FAM135A: variants seen among roughly 807,000 people sequenced by gnomAD.
The protein encoded by FAM135A is family with sequence similarity 135 member A, also known as protein FAM135A.
A neutral mutation model predicts 146.8 loss-of-function variants in FAM135A; 79 were observed. The ratio of observed to expected loss-of-function variants is 0.54; its 90% CI spans 0.45 to 0.65. The LOEUF (loss-of-function observed/expected upper bound fraction) is 0.65, where lower values mean the gene tolerates loss of function less well. FAM135A is among the 30% of genes least tolerant of loss of function. The pLI is 0.00. For synonymous variants in FAM135A, 562 were observed against 603.6 expected (o/e 0.93, Z 1.01); for missense variants, 1,623 against 1,758.2 (o/e 0.92, Z 1.38).
chr6:70,513,482 T>C (rs1791513270), intron 12 of FAM135A: 1 of 151,608 alleles, frequency 6.6e-6, no homozygotes, highest in South Asian at 2.1e-4. Context: ...CTTAACCATA[T>C]TGATTCGGAC....
chr6:70,525,896 T>G lies in FAM135A; in HGVS notation c.2812T>G (p.Cys938Gly). 1 of 1,613,152 alleles carries G rather than the reference T, an allele frequency of 6.2e-7. No individual in the cohort carries two copies. ...GACTTCCAGTGATGTGAAAAGTAGT[T>G]GCAGCTCCAAACCTAACTTGGATAC... Reference protein sequence around the residue: ...EETSSDVKSSCSSKPNLDTMC... With the variant: ...EETSSDVKSSGSSKPNLDTMC... The change falls in exon 15 of 22, where the codon TGC becomes GGC. Residue 938 changes from cysteine (C) to glycine (G), a missense_variant. Physicochemically the swap from Cys to Gly is radical, Grantham distance 159. Around this residue, in one of 7 missense-constraint regions of FAM135A, gnomAD observed 1,061 missense variants for 1,113.8 expected, o/e 0.95. Coordinates refer to ENST00000418814, the MANE Select transcript of FAM135A (RefSeq NM_001162529.3).
At chr6:70,537,180 C>T (rs528594163) in intron 19 of FAM135A, among the ~76,000 whole-genome samples, 10 of 152,006 alleles carry the variant, frequency 6.6e-5, no homozygotes, top group Admixed American at 2.0e-4. Flanking sequence ...GTGATCCGCC[C>T]GCCTCGGCCT....
chr6:70,525,336 A>T lies in FAM135A; in HGVS notation c.2252A>T (p.Asp751Val), dbSNP rs377373934. 2.5e-4 allele frequency: 407 copies of T among 1,613,058 alleles called. 3 individuals carry two copies. The South Asian group carries it at 3.6e-3, about 14-fold the overall frequency. ...TKEYHVVVSGDTIKLPDISAT... is the reference protein window; with the variant it reads ...TKEYHVVVSGVTIKLPDISAT... ...GAATATCATGTTGTAGTAAGTGGAG[A>T]TACAATTAAGTTACCAGATATTAGT... Residue 751 changes from aspartate to valine, a missense_variant, in exon 15 of 22, where the codon GAT becomes GTT. Physicochemically the swap from Asp to Val is radical, Grantham distance 152. Around this residue, in one of 7 missense-constraint regions of FAM135A, gnomAD observed 1,061 missense variants for 1,113.8 expected, o/e 0.95. Transcript: ENST00000418814.
intron 4 of FAM135A, among the ~76,000 whole-genome samples, chr6:70,444,133 G>A (rs769870907): frequency 3.3e-5 from 5 of 152,082 alleles, no homozygotes; most frequent in Non-Finnish European, 5.9e-5. Flanking sequence ...GGCTGGGTGC[G>A]GTGGCTCACG....
chr6:70,416,514 TTTAACA>T (rs1340854937), intron 2 of FAM135A, among the ~76,000 whole-genome samples: 1 of 152,234 alleles, frequency 6.6e-6, no homozygotes, highest in Non-Finnish European at 1.5e-5. Context: ...GAAAAAGTGC[TTTAACA>T]TTGAGTTTTT....
Position 70,560,577 on chromosome 6 carries a change from CTT to C in FAM135A, c.*659_*660del, listed in dbSNP as rs1018370328. 2 of 152,470 alleles carry C rather than the reference CTT, an allele frequency of 1.3e-5. No individual in the cohort carries two copies. Among genetic ancestry groups the C allele is most frequent in the East Asian group, 1.9e-4 (1 of 5,198 alleles). The allele number at this position is 152,470 out of a possible 1,614,324, so 9.4% of individuals were successfully genotyped here. ...ATTTCAACATTATTTCTCATACTGACTTTTATTACTGGAAATGTTCCTGTACA... is the reference window on the plus strand; with the variant it reads ...ATTTCAACATTATTTCTCATACTGACTTATTACTGGAAATGTTCCTGTACA... On this transcript the variant is annotated 3_prime_UTR_variant, in exon 22 of 22. Coordinates refer to ENST00000418814, the MANE Select transcript of FAM135A (RefSeq NM_001162529.3).
chr6:70,531,308 T>C (rs914945368), intron 16 of FAM135A, among the ~76,000 whole-genome samples: 12 of 152,240 alleles, frequency 7.9e-5, no homozygotes, highest in African/African-American at 2.7e-4. Context: ...ACTGGACCGC[T>C]TCTACCTCTT....
At chr6:70,453,672 TTC>T (rs1391683236) in intron 5 of FAM135A, among the ~76,000 whole-genome samples, 3 of 152,132 alleles carry the variant, frequency 2.0e-5, no homozygotes, top group African/African-American at 7.2e-5. Context: ...GTGTTTGGTT[TTC>T]TGTCCTTGCA....
chr6:70,500,111 A>G (rs895755187), intron 11 of FAM135A, among the ~76,000 whole-genome samples: 6 of 152,182 alleles, frequency 3.9e-5, no homozygotes. Flanking sequence ...ACTTTTGGGT[A>G]CACCAATCAA....
chr6:70,421,554 C>A (rs1768857216), intron 2 of FAM135A, among the ~76,000 whole-genome samples: 1 of 152,174 alleles, frequency 6.6e-6, no homozygotes, highest in Non-Finnish European at 1.5e-5. Flanking sequence ...GCAGAGAAAT[C>A]AAATCCCTTC....
At chr6:70,554,906 G>A (rs1800543440) in intron 20 of FAM135A, among the ~76,000 whole-genome samples, 1 of 152,128 alleles carries the variant, frequency 6.6e-6, no homozygotes, top group Non-Finnish European at 1.5e-5. Flanking sequence ...TTATAGGAGT[G>A]AGCCACCATA....
At chr6:70,507,201 T>A (rs1185365193) in intron 12 of FAM135A, among the ~76,000 whole-genome samples, 1 of 152,186 alleles carries the variant, frequency 6.6e-6, no homozygotes, top group African/African-American at 2.4e-5. Flanking sequence ...GTCCTAATGT[T>A]ACTCAAGCAG....
At chr6:70,557,148 G>A (rs1305491735) in intron 21 of FAM135A, 1 of 503,288 alleles carries the variant, frequency 2.0e-6, no homozygotes, top group Admixed American at 3.5e-5. Flanking sequence ...ATTGACAATT[G>A]TAGTCATCCT....
At chr6:70,455,091 C>T (rs777269694) in intron 5 of FAM135A, among the ~76,000 whole-genome samples, 1 of 151,936 alleles carries the variant, frequency 6.6e-6, no homozygotes, top group African/African-American at 2.4e-5. Flanking sequence ...TGTTTGTGTC[C>T]TCTTTTATTT....
At position 70,450,716 on chromosome 6, in the gene FAM135A, G is replaced by GTTTTTTTTTTTTTTTTTTTTTTTTTTTTT. The variant is rs546674936; in HGVS notation, c.78-1762_78-1734dup. The stretch of plus-strand genomic sequence containing the variant: ...CTCAGGGAGTGTGACCCTTTTAGTT[G>GTTTTTTTTTTTTTTTTTTTTTTTTTTTTT]TTTTTTTTTTTTTTTTTTTTTTTTT... On this transcript the variant is annotated intron_variant, in intron 4 of 21. Coordinates refer to ENST00000418814, the MANE Select transcript of FAM135A (RefSeq NM_001162529.3). Among the ~76,000 whole-genome samples the GTTTTTTTTTTTTTTTTTTTTTTTTTTTTT allele has an allele frequency of 2.8e-4, 8 of 28,348 alleles. 4 individuals are homozygous for GTTTTTTTTTTTTTTTTTTTTTTTTTTTTT. Among genetic ancestry groups the GTTTTTTTTTTTTTTTTTTTTTTTTTTTTT allele is most frequent in the East Asian group, 3.1e-3 (2 of 640 alleles). The allele number at this position is 28,348 out of a possible 152,430, so 18.6% of individuals were successfully genotyped here.
At chr6:70,441,744 G>T (rs186843613) in intron 4 of FAM135A, among the ~76,000 whole-genome samples, 277 of 150,872 alleles carry the variant, frequency 1.8e-3, no homozygotes, top group Non-Finnish European at 3.0e-3. Context: ...GAGTGCACTG[G>T]CGCCGTCTCA....
At chr6:70,463,585 T>C (rs1779837473) in intron 5 of FAM135A, among the ~76,000 whole-genome samples, 1 of 152,108 alleles carries the variant, frequency 6.6e-6, no homozygotes, top group South Asian at 2.1e-4. Flanking sequence ...GTACCTCTTT[T>C]AGCTTATGTT....
In FAM135A at chr6:70,499,132, T is replaced by G. The variant is rs189133092; in HGVS notation, c.874-3504T>G. Among the ~76,000 whole-genome samples, 270 of 152,230 alleles carry G rather than the reference T, an allele frequency of 1.8e-3. 5 individuals are homozygous for G. The highest frequency in any genetic ancestry group is 5.8e-4 in the East Asian group (3 of 5,180). ...TCTAAGTCTCTTTGTAGGTCTCTAA[T>G]AACTTGCTTTATGAATCTGGGTTCT... On this transcript the variant is annotated intron_variant, in intron 11 of 21. Coordinates refer to ENST00000418814, the MANE Select transcript of FAM135A (RefSeq NM_001162529.3).
intron 12 of FAM135A, among the ~76,000 whole-genome samples, chr6:70,511,191 A>T (rs1386748077): frequency 6.6e-6 from 1 of 151,926 alleles, no homozygotes; most frequent in African/African-American, 2.4e-5. Flanking sequence ...CCCTTATCTG[A>T]TACATAATTT....
Sources: allele counts gnomAD v4.1 joint callset (sites outside exome capture counted in the v4.1 genomes callset), GRCh38; gene constraint gnomAD v4.1.1; regional missense constraint gnomAD v4.1.1; transcripts MANE v1.5; gene names NCBI Gene and HGNC (gene_info 2026-07-23, HGNC 2026-07-21).